AHCYL1: variants seen among roughly 807,000 people sequenced by gnomAD.
AHCYL1 encodes adenosylhomocysteinase like 1, also known as S-adenosylhomocysteine hydrolase-like protein 1.
In AHCYL1, 20 loss-of-function variants were observed where a neutral mutation model predicts 79.3. The observed-to-expected ratio is 0.25, with a 90% confidence interval of 0.18 to 0.37. The LOEUF is 0.37. AHCYL1 is among the 10% of genes least tolerant of loss of function. The probability of loss-of-function intolerance (pLI) is 1.00; values close to 1 mark genes in which losing one functional copy is unlikely to be tolerated. For synonymous variants in AHCYL1, 223 were observed against 242.2 expected, an observed-to-expected ratio of 0.92 and a Z score of 0.74; for missense variants, 330 against 673.6, an observed-to-expected ratio of 0.49 and a Z score of 5.65.
At chr1:110,012,516 AT>A (rs879624005) in intron 4 of AHCYL1, 54 bp downstream of exon 4, 23,561 of 1,069,854 alleles carry the variant, frequency 0.022, 2 homozygotes, top group South Asian at 0.033. Flanking sequence ...AAAGAAATCA[AT>A]TTTTTTTTTT....
At chr1:110,016,933 A>G (rs1215062697) in intron 9 of AHCYL1, among the ~76,000 whole-genome samples, 1 of 152,196 alleles carries the variant, frequency 6.6e-6, no homozygotes, top group Non-Finnish European at 1.5e-5. Flanking sequence ...AGATTTTACC[A>G]TTTTGCCTTG....
intron 1 of AHCYL1, among the ~76,000 whole-genome samples, chr1:109,988,940 T>C (rs1220255209): frequency 6.6e-6 from 1 of 152,230 alleles, no homozygotes; most frequent in African/African-American, 2.4e-5. Flanking sequence ...CAGAGTTATC[T>C]TACGGTTAAT....
intron 1 of AHCYL1, among the ~76,000 whole-genome samples, chr1:109,998,726 C>G (rs1174182879): frequency 6.6e-6 from 1 of 152,210 alleles, no homozygotes; most frequent in Non-Finnish European, 1.5e-5. Flanking sequence ...GATCCACCCA[C>G]CTTGGCCTCC....
intron 13 of AHCYL1, 139 bp from the exon 14 acceptor site, chr1:110,018,912 A>G: frequency 1.2e-6 from 1 of 840,572 alleles, no homozygotes; most frequent in Non-Finnish European, 2.0e-6. Flanking sequence ...AAAAGCCTAG[A>G]GTCCTGATCT....
chr1:110,011,379 G>C lies in AHCYL1; in HGVS notation c.376+22G>C. 4 of 1,611,788 alleles carry C rather than the reference G, an allele frequency of 2.5e-6. No homozygotes were observed. In the South Asian group the frequency reaches 4.4e-5, roughly 18 times the overall value. On this transcript the variant is annotated intron_variant, in intron 3 of 16. Coordinates refer to ENST00000369799, the MANE Select transcript of AHCYL1 (RefSeq NM_006621.7). ...CAAGGTAAAGAAAGGGAGTGGGTTA[G>C]GGGACCAGAAACAACCCTCTTGTTG...
chr1:109,995,741 T>C (rs1336590892), intron 1 of AHCYL1: 2 of 955,472 alleles, frequency 2.1e-6, no homozygotes, highest in African/African-American at 1.8e-5. Flanking sequence ...AATAACTCAT[T>C]ACCTGGCTCT....
chr1:110,008,131 C>T (rs1457748419), intron 1 of AHCYL1, among the ~76,000 whole-genome samples: 1 of 151,352 alleles, frequency 6.6e-6, no homozygotes, highest in African/African-American at 2.4e-5. Flanking sequence ...CAAGCAATTC[C>T]CTGCCTCAGG....
intron 1 of AHCYL1, among the ~76,000 whole-genome samples, chr1:109,991,281 G>A (rs960689823): frequency 6.6e-6 from 1 of 152,106 alleles, no homozygotes; most frequent in Non-Finnish European, 1.5e-5. Context: ...GGAAATCTGG[G>A]GTAGAGATTG....
chr1:110,001,762 T>A (rs1407449487), intron 1 of AHCYL1, among the ~76,000 whole-genome samples: 1 of 152,170 alleles, frequency 6.6e-6, no homozygotes, highest in African/African-American at 2.4e-5. Flanking sequence ...TTTAAAGTTT[T>A]GAGACATGTA....
At chr1:110,011,431 G>A in intron 3 of AHCYL1, 74 bp downstream of exon 3, 1 of 1,579,848 alleles carries the variant, frequency 6.3e-7, no homozygotes, top group South Asian at 1.1e-5. Context: ...AACAACTTAA[G>A]ACTTGAAAGC....
At chr1:110,010,440 C>A (rs753697302) in intron 2 of AHCYL1, among the ~76,000 whole-genome samples, 7 of 152,208 alleles carry the variant, frequency 4.6e-5, no homozygotes, top group African/African-American at 7.2e-5. Flanking sequence ...GTTGTATATC[C>A]TCTTGCATAT....
At chr1:109,990,151 G>A (rs1238526251) in intron 1 of AHCYL1, among the ~76,000 whole-genome samples, 1 of 152,154 alleles carries the variant, frequency 6.6e-6, no homozygotes, top group East Asian at 1.9e-4. Context: ...AAAACTGTGA[G>A]TAGTAGTACA....
chr1:110,008,757 T>C (rs1214046734), intron 1 of AHCYL1, among the ~76,000 whole-genome samples: 1 of 152,166 alleles, frequency 6.6e-6, no homozygotes, highest in Admixed American at 6.5e-5. Context: ...GTGAGAAAGA[T>C]TTATAAAATT....
chr1:110,008,945 T>G, intron 1 of AHCYL1, 89 bp from the exon 2 acceptor site: 2 of 1,016,780 alleles, frequency 2.0e-6, no homozygotes, highest in South Asian at 3.1e-5. Flanking sequence ...TTACATGGCT[T>G]TTAGGGAAAG....
At position 110,021,774 on chromosome 1, in the gene AHCYL1, CTTGA is replaced by C. The variant is rs1651819982; in HGVS notation, c.*97_*100del. On this transcript the variant is annotated 3_prime_UTR_variant, in exon 17 of 17. Coordinates refer to ENST00000369799, the MANE Select transcript of AHCYL1 (RefSeq NM_006621.7). ...TTTATTTTCTTCTTACTCCTTTCCT[CTTGA>C]TTTTTTTCCTATAATTTCATTCTTG... The C allele has an allele frequency of 7.3e-7, 1 of 1,367,690 alleles. No individual in the cohort carries two copies. The highest frequency in any genetic ancestry group is 1.0e-6 in the Non-Finnish European group (1 of 983,482). 84.7% of individuals were successfully genotyped at this position (1,367,690 alleles called of 1,614,324 possible).
intron 1 of AHCYL1, among the ~76,000 whole-genome samples, chr1:109,996,726 C>T (rs879289965): frequency 6.6e-6 from 1 of 152,192 alleles, no homozygotes; most frequent in Non-Finnish European, 1.5e-5. Context: ...GAGTAATGCA[C>T]TGCACTACGA....
chr1:109,985,180 G>A lies in AHCYL1; in HGVS notation c.120+8G>A. 1 of 1,605,582 alleles carries A rather than the reference G, an allele frequency of 6.2e-7. No individual in the cohort carries two copies. The highest frequency in any genetic ancestry group is 1.1e-5 in the South Asian group (1 of 89,912). The stretch of plus-strand genomic sequence containing the variant: ...ACCAAGGCGCCCAAGAAGGTGCGGG[G>A]GCTCTGGGTGGCGGCGGGGGCTCGG... On this transcript the variant is annotated splice_region_variant and intron_variant, in intron 1 of 16. Coordinates refer to ENST00000369799, the MANE Select transcript of AHCYL1 (RefSeq NM_006621.7).
chr1:110,004,877 G>C (rs1394680998), intron 1 of AHCYL1, among the ~76,000 whole-genome samples: 1 of 152,158 alleles, frequency 6.6e-6, no homozygotes, highest in Non-Finnish European at 1.5e-5. Flanking sequence ...AAATTAACCA[G>C]AAAATATGTG....
At chr1:109,999,451 G>C (rs1407086406) in intron 1 of AHCYL1, among the ~76,000 whole-genome samples, 2 of 152,120 alleles carry the variant, frequency 1.3e-5, no homozygotes, top group Admixed American at 1.3e-4. Flanking sequence ...CCACCTTCCT[G>C]ACGCCTGGTA....
Sources: gnomAD v4.1 joint callset for allele counts (sites outside exome capture counted in the v4.1 genomes callset) on GRCh38, gnomAD v4.1.1 for gene constraint, MANE v1.5 for transcripts, NCBI Gene and HGNC (gene_info 2026-07-23, HGNC 2026-07-21) for gene names.